The following TAFA5 variants were observed in gnomAD, a reference collection of about 807,000 sequenced individuals.
TAFA5 encodes chemokine-like protein TAFA-5.
TAFA5 carries 6 observed loss-of-function variants against 15.3 expected under a neutral mutation model. The ratio of observed to expected loss-of-function variants is 0.39; its 90% confidence interval spans 0.21 to 0.77. TAFA5 has a LOEUF of 0.77. Among genes scored for constraint, TAFA5 ranks in the 30% least tolerant of loss-of-function variants. The pLI, the probability that TAFA5 is intolerant of heterozygous loss-of-function variation, is 0.41. For missense variants in TAFA5, 161 were observed against 193.1 expected (o/e 0.83, Z 0.98); for synonymous variants, 103 against 80.7 (o/e 1.28, Z -1.48).
At chr22:48,637,416 C>T (rs991358690) in intron 1 of TAFA5, among the ~76,000 whole-genome samples, 21 of 152,316 alleles carry the variant, frequency 1.4e-4, no homozygotes, top group African/African-American at 4.8e-4. Context: ...TTCCTGCTAA[C>T]GCCTCCTCGC....
chr22:48,506,887 C>T (rs541977288), intron 1 of TAFA5, among the ~76,000 whole-genome samples: 8 of 152,320 alleles, frequency 5.3e-5, no homozygotes, highest in Admixed American at 3.9e-4. Flanking sequence ...GGGCTGGACA[C>T]GTCAGCATGG....
Position 48,549,088 on chromosome 22 carries a change from G to A in TAFA5, c.112+59384G>A, listed in dbSNP as rs8139788. ...ACAGTTTCATCATACATTGTCTCCTGAGTAGAAATAGGAAGAGTAAACACA... is the reference window on the plus strand; with the variant it reads ...ACAGTTTCATCATACATTGTCTCCTAAGTAGAAATAGGAAGAGTAAACACA... On this transcript the variant is annotated intron_variant, in intron 1 of 3. Transcript: ENST00000402357. Among the ~76,000 whole-genome samples the A allele has an allele frequency of 9.5e-3, 1,451 of 152,338 alleles. 6 individuals carry two copies. Among genetic ancestry groups the A allele is most frequent in the Middle Eastern group, 0.024 (7 of 294 alleles).
intron 3 of TAFA5, among the ~76,000 whole-genome samples, chr22:48,716,344 A>G (rs1226404682): frequency 6.6e-6 from 1 of 152,250 alleles, no homozygotes; most frequent in African/African-American, 2.4e-5. Flanking sequence ...AGCCATAAAA[A>G]AGAATGAGTT....
At chr22:48,662,507 G>A (rs555140549) in intron 2 of TAFA5, among the ~76,000 whole-genome samples, 135 of 150,382 alleles carry the variant, frequency 9.0e-4, no homozygotes, top group Admixed American at 1.3e-3. Context: ...GGGCCCAGGC[G>A]GTGGGGCTCC....
intron 1 of TAFA5, among the ~76,000 whole-genome samples, chr22:48,499,995 T>C (rs965991854): frequency 2.0e-5 from 3 of 152,144 alleles, no homozygotes; most frequent in African/African-American, 7.2e-5. Context: ...ACTCCATGTG[T>C]CTTAAACCAA....
intron 1 of TAFA5, among the ~76,000 whole-genome samples, chr22:48,602,954 C>T (rs73889133): frequency 1.5e-3 from 229 of 152,284 alleles, no homozygotes; most frequent in African/African-American, 5.2e-3. Flanking sequence ...GACAGGGACC[C>T]CGCATCCCCT....
intron 2 of TAFA5, among the ~76,000 whole-genome samples, chr22:48,674,205 T>C (rs1927895652): frequency 6.6e-6 from 1 of 152,146 alleles, no homozygotes; most frequent in African/African-American, 2.4e-5. Context: ...TCTTGGGACT[T>C]TGCTCCCGGC....
chr22:48,610,966 G>A (rs1404395149), intron 1 of TAFA5, among the ~76,000 whole-genome samples: 2 of 148,094 alleles, frequency 1.4e-5, no homozygotes, highest in Non-Finnish European at 3.0e-5. Flanking sequence ...GTGGAGTCTC[G>A]CTTTATTGTC....
rs563371531 is a variant in TAFA5 at position 48,602,016 on chromosome 22, G to A, written c.113-44581G>A. On this transcript the variant is annotated intron_variant, in intron 1 of 3. Coordinates refer to ENST00000402357, the MANE Select transcript of TAFA5 (RefSeq NM_001082967.3). Reference sequence around the variant, plus strand: ...CCTTCCAGTCCCTGTGAGTGGGCACGCTGGTGGGTTAAGCCCTCAGAGGTC... The same window carrying A: ...CCTTCCAGTCCCTGTGAGTGGGCACACTGGTGGGTTAAGCCCTCAGAGGTC... Among the ~76,000 whole-genome samples, 62 of 152,272 alleles carry A rather than the reference G, an allele frequency of 4.1e-4. 2 individuals are homozygous for A. The South Asian group carries it at 0.012, about 31-fold the overall frequency.
chr22:48,567,341 G>C (rs898521705), intron 1 of TAFA5, among the ~76,000 whole-genome samples: 1 of 150,962 alleles, frequency 6.6e-6, no homozygotes, highest in African/African-American at 2.5e-5. Context: ...GCAGGCTCCC[G>C]CCCCAGGCTG....
intron 2 of TAFA5, among the ~76,000 whole-genome samples, chr22:48,694,996 G>A (rs1928666387): frequency 6.6e-6 from 1 of 151,884 alleles, no homozygotes; most frequent in Non-Finnish European, 1.5e-5. Flanking sequence ...GCCCTGCAGA[G>A]ATGGTTTCAC....
chr22:48,747,027 G>A (rs1778750994), intron 3 of TAFA5, among the ~76,000 whole-genome samples: 2 of 152,200 alleles, frequency 1.3e-5, no homozygotes, highest in South Asian at 4.1e-4. Flanking sequence ...AGGAAGGAGT[G>A]GTTCACAGGC....
At chr22:48,596,776 G>A (rs892573415) in intron 1 of TAFA5, among the ~76,000 whole-genome samples, 1 of 151,882 alleles carries the variant, frequency 6.6e-6, no homozygotes, top group African/African-American at 2.4e-5. Context: ...ACTGCCCTAG[G>A]GCTCCTCTGT....
chr22:48,611,127 G>A (rs1350560620), intron 1 of TAFA5, among the ~76,000 whole-genome samples: 1 of 152,146 alleles, frequency 6.6e-6, no homozygotes, highest in Non-Finnish European at 1.5e-5. Context: ...TAGAGACGGG[G>A]TTTCACCATG....
chr22:48,602,225 G>A (rs1308172466), intron 1 of TAFA5, among the ~76,000 whole-genome samples: 1 of 152,248 alleles, frequency 6.6e-6, no homozygotes, highest in Non-Finnish European at 1.5e-5. Flanking sequence ...CAGAGACAGT[G>A]TGCATGGGGG....
In TAFA5 at chr22:48,566,133, T is replaced by C. The variant is rs1400397115; in HGVS notation, c.112+76429T>C. ...AGATAGATGATGGATGGATGGATGA[T>C]GAATGGATGATGGGTGGACAATGAA... On this transcript the variant is annotated intron_variant, in intron 1 of 3. Transcript: ENST00000402357. This position sits in a 1 kb window ranked among gnomAD's most constrained non-coding sequence, Gnocchi z 4.5. Among the ~76,000 whole-genome samples the C allele has an allele frequency of 2.6e-5, 4 of 151,028 alleles. No homozygotes were observed. Among genetic ancestry groups the C allele is most frequent in the Non-Finnish European group, 4.4e-5 (3 of 67,796 alleles).
At chr22:48,675,965 G>A (rs1388248511) in intron 2 of TAFA5, among the ~76,000 whole-genome samples, 2 of 152,268 alleles carry the variant, frequency 1.3e-5, no homozygotes, top group Non-Finnish European at 2.9e-5. Flanking sequence ...GAGAGTTGGC[G>A]CCCACCACTG....
chr22:48,740,297 G>A (rs1320147160), intron 3 of TAFA5, among the ~76,000 whole-genome samples: 1 of 152,106 alleles, frequency 6.6e-6, no homozygotes, highest in Non-Finnish European at 1.5e-5. Context: ...AGGAGCGGGG[G>A]CCCTGGGGCA....
intron 3 of TAFA5, among the ~76,000 whole-genome samples, chr22:48,739,411 C>T (rs1302030849): frequency 6.6e-6 from 1 of 152,166 alleles, no homozygotes; most frequent in East Asian, 1.9e-4. Flanking sequence ...TTTCCAGGGC[C>T]CTGGCACTGC....
Sources: gnomAD v4.1 joint callset for allele counts (sites outside exome capture counted in the v4.1 genomes callset) on GRCh38, gnomAD v4.1.1 for gene constraint, Gnocchi (gnomAD v3.1) non-coding constraint, MANE v1.5 for transcripts, NCBI Gene and HGNC (gene_info 2026-07-23, HGNC 2026-07-21) for gene names.